The following SRGAP3 variants were observed in gnomAD, a reference collection of about 807,000 sequenced individuals.
SRGAP3 encodes the protein SLIT-ROBO Rho GTPase activating protein 3, also known as SLIT-ROBO Rho GTPase-activating protein 3.
A neutral mutation model predicts 121.1 loss-of-function variants in SRGAP3; 39 were observed. The observed-to-expected ratio is 0.32, with a 90% confidence interval of 0.25 to 0.42. The LOEUF is 0.42. SRGAP3 is among the 10% of genes least tolerant of loss of function. SRGAP3 has a pLI of 1.00. For missense variants in SRGAP3, 1,213 were observed against 1,470.6 expected (o/e 0.82, Z 2.86); for synonymous variants, 601 against 570.0 (o/e 1.05, Z -0.77).
chr3:9,259,213 C>CT (rs1553563342), intron 3 of SRGAP3, among the ~76,000 whole-genome samples: 5,037 of 151,868 alleles, frequency 0.033, 125 homozygotes, highest in South Asian at 0.045. Context: ...TTCCCTGTTT[C>CT]TTTTTTTTCA....
intron 3 of SRGAP3, among the ~76,000 whole-genome samples, chr3:9,275,425 T>G (rs2125262491): frequency 6.6e-6 from 1 of 152,234 alleles, no homozygotes; most frequent in African/African-American, 2.4e-5. Flanking sequence ...TCAAACCTAA[T>G]GCTCACACTC....
intron 1 of SRGAP3, among the ~76,000 whole-genome samples, chr3:9,339,335 G>GT (rs1955744331): frequency 6.6e-6 from 1 of 152,190 alleles, no homozygotes; most frequent in Non-Finnish European, 1.5e-5. Flanking sequence ...AGCAGGCATG[G>GT]TCCCTAAAGG....
At chr3:9,079,229 T>C (rs1299122085) in intron 4 of SRGAP3, among the ~76,000 whole-genome samples, 1 of 152,152 alleles carries the variant, frequency 6.6e-6, no homozygotes, top group Non-Finnish European at 1.5e-5. Flanking sequence ...AACATAACCA[T>C]TCTTCTCTGT....
At chr3:9,207,912 G>A (rs942430484) in intron 1 of SRGAP3, among the ~76,000 whole-genome samples, 2 of 152,188 alleles carry the variant, frequency 1.3e-5, no homozygotes, top group African/African-American at 4.8e-5. Context: ...TGTTGTTGTT[G>A]CTCTTATGGA....
chr3:9,216,883 G>A (rs542245355), intron 1 of SRGAP3: 20 of 152,348 alleles, frequency 1.3e-4, no homozygotes, highest in African/African-American at 3.9e-4. Context: ...GAACCCTGAA[G>A]CATTACGCTA....
At chr3:9,111,260 T>G (rs777437236) in intron 2 of SRGAP3, among the ~76,000 whole-genome samples, 2 of 152,098 alleles carry the variant, frequency 1.3e-5, no homozygotes, top group Non-Finnish European at 2.9e-5. Flanking sequence ...GTGCCATGAG[T>G]GCCTGTAATA....
intron 1 of SRGAP3, among the ~76,000 whole-genome samples, chr3:9,223,005 G>A (rs987145403): frequency 6.6e-6 from 1 of 152,240 alleles, no homozygotes; most frequent in East Asian, 1.9e-4. Context: ...TATGCCACCA[G>A]TGCTAGGGGC....
At chr3:9,334,827 T>C (rs908011880) in intron 1 of SRGAP3, among the ~76,000 whole-genome samples, 1 of 152,226 alleles carries the variant, frequency 6.6e-6, no homozygotes, top group African/African-American at 2.4e-5. Flanking sequence ...GAATGTCCCT[T>C]AGCCCTCTGG....
chr3:8,990,192 T>C (rs1941953377), intron 21 of SRGAP3, among the ~76,000 whole-genome samples: 1 of 152,238 alleles, frequency 6.6e-6, no homozygotes, highest in African/African-American at 2.4e-5. Context: ...AATGAGTGAA[T>C]GAATGAGTCA....
chr3:9,086,643 A>T (rs1449729420), intron 3 of SRGAP3, among the ~76,000 whole-genome samples: 1 of 141,436 alleles, frequency 7.1e-6, no homozygotes, highest in Admixed American at 7.2e-5. Flanking sequence ...ACACCCACAT[A>T]TACATATATG....
chr3:9,010,973 C>T (rs1210562969), intron 17 of SRGAP3, among the ~76,000 whole-genome samples: 1 of 152,130 alleles, frequency 6.6e-6, no homozygotes, highest in East Asian at 1.9e-4. Flanking sequence ...GGTATAATTT[C>T]ACCAGCTACT....
chr3:9,165,099 G>A (rs975237301), intron 1 of SRGAP3, among the ~76,000 whole-genome samples: 2 of 152,280 alleles, frequency 1.3e-5, no homozygotes, highest in Admixed American at 6.5e-5. Flanking sequence ...TTTGAGCCAG[G>A]AGGATGCCCC....
intron 4 of SRGAP3, among the ~76,000 whole-genome samples, chr3:9,074,585 G>C (rs1214909726): frequency 6.6e-6 from 1 of 152,340 alleles, no homozygotes; most frequent in African/African-American, 2.4e-5. Flanking sequence ...CTGTGGGGCT[G>C]TACCTGAATG....
chr3:9,184,575 T>G (rs1951536906), intron 1 of SRGAP3, among the ~76,000 whole-genome samples: 1 of 152,176 alleles, frequency 6.6e-6, no homozygotes, highest in Non-Finnish European at 1.5e-5. Context: ...AATGTCATTA[T>G]TATTATTAGA....
At chr3:9,057,376 G>C (rs576356534) in intron 7 of SRGAP3, among the ~76,000 whole-genome samples, 1 of 152,356 alleles carries the variant, frequency 6.6e-6, no homozygotes, top group South Asian at 2.1e-4. Context: ...ACAACCCAAA[G>C]TTTACGGTCA....
At chr3:9,123,397 A>AC (rs764680440) in intron 2 of SRGAP3, among the ~76,000 whole-genome samples, 3 of 89,168 alleles carry the variant, frequency 3.4e-5, no homozygotes, top group African/African-American at 1.1e-4. Flanking sequence ...ATACATACAC[A>AC]ATACACATAC....
intron 2 of SRGAP3, among the ~76,000 whole-genome samples, chr3:9,107,904 A>G (rs1318228861): frequency 6.6e-6 from 1 of 152,238 alleles, no homozygotes; most frequent in East Asian, 1.9e-4. Flanking sequence ...AGAGAGACCC[A>G]TGAAAAAAGA....
intron 3 of SRGAP3, among the ~76,000 whole-genome samples, chr3:9,084,238 G>C (rs555200266): frequency 6.6e-6 from 1 of 152,264 alleles, no homozygotes; most frequent in Non-Finnish European, 1.5e-5. Flanking sequence ...AGAGAGCCAT[G>C]AATTTGCCCA....
intron 2 of SRGAP3, among the ~76,000 whole-genome samples, chr3:9,107,711 C>A (rs1352422329): frequency 1.3e-5 from 2 of 152,246 alleles, no homozygotes; most frequent in African/African-American, 4.8e-5. Flanking sequence ...GGCCCAGAAT[C>A]TGTGTTTTAA....
Sources: gnomAD v4.1 joint callset for allele counts (sites outside exome capture counted in the v4.1 genomes callset) on GRCh38, gnomAD v4.1.1 for gene constraint, MANE v1.5 for transcripts, NCBI Gene and HGNC (gene_info 2026-07-23, HGNC 2026-07-21) for gene names.